CDC73: variants seen among roughly 807,000 people sequenced by gnomAD.
CDC73 encodes the protein parafibromin.
CDC73 carries 21 observed loss-of-function variants against 83.7 expected under a neutral mutation model. That is an observed-to-expected ratio of 0.25 (90% CI 0.18 to 0.36). The LOEUF is 0.36. Among genes scored for constraint, CDC73 ranks in the 10% least tolerant of loss-of-function variants. The probability of loss-of-function intolerance (pLI) is 1.00; values close to 1 mark genes in which losing one functional copy is unlikely to be tolerated. For missense variants in CDC73, 342 were observed against 653.3 expected (o/e 0.52, Z 5.19); for synonymous variants, 224 against 212.9 (o/e 1.05, Z -0.45).
At chr1:193,166,867 A>G (rs961381557) in intron 10 of CDC73, among the ~76,000 whole-genome samples, 4 of 152,094 alleles carry the variant, frequency 2.6e-5, no homozygotes, top group Non-Finnish European at 5.9e-5. Flanking sequence ...GCTGGTCACA[A>G]ATTTTTAATG....
chr1:193,127,479 G>C (rs1675599791), intron 2 of CDC73, among the ~76,000 whole-genome samples: 1 of 152,194 alleles, frequency 6.6e-6, no homozygotes, highest in East Asian at 1.9e-4. Flanking sequence ...AATAGCACCA[G>C]CTCCGTCTTT....
At chr1:193,166,972 G>C (rs1676445088) in intron 10 of CDC73, among the ~76,000 whole-genome samples, 2 of 152,128 alleles carry the variant, frequency 1.3e-5, no homozygotes. Flanking sequence ...TTGCTTAATT[G>C]AAGTTCCAAG....
rs190889891 is a variant in CDC73 at position 193,212,563 on chromosome 1, G to A, written c.1154+86G>A. On this transcript the variant is annotated intron_variant, in intron 13 of 16. Coordinates refer to ENST00000367435, the MANE Select transcript of CDC73 (RefSeq NM_024529.5). Reference sequence around the variant, plus strand: ...GTTACTGAATCAGTATTACTTATTTGGAAAAAACAAAATTTCGGTTTCTGT... The same window carrying A: ...GTTACTGAATCAGTATTACTTATTTAGAAAAAACAAAATTTCGGTTTCTGT... The A allele has an allele frequency of 2.1e-3, 1,918 of 903,460 alleles. 5 individuals carry two copies. Among genetic ancestry groups the A allele is most frequent in the Middle Eastern group, 0.012 (48 of 4,054 alleles). 56.0% of individuals were successfully genotyped at this position (903,460 alleles called of 1,614,324 possible).
At chr1:193,173,696 TC>T (rs1162300309) in intron 10 of CDC73, among the ~76,000 whole-genome samples, 1 of 152,182 alleles carries the variant, frequency 6.6e-6, no homozygotes, top group Admixed American at 6.5e-5. Flanking sequence ...AGACTGGAAA[TC>T]CTGTGAATCC....
intron 10 of CDC73, among the ~76,000 whole-genome samples, chr1:193,157,103 T>C (rs1558291098): frequency 6.6e-6 from 1 of 152,142 alleles, no homozygotes; most frequent in Non-Finnish European, 1.5e-5. Context: ...AGGATTTAAC[T>C]TGGTGATGAT....
chr1:193,238,039 T>A (rs1247267096), intron 15 of CDC73, among the ~76,000 whole-genome samples: 1 of 152,152 alleles, frequency 6.6e-6, no homozygotes, highest in African/African-American at 2.4e-5. Flanking sequence ...CAACAAAAAA[T>A]GATTAGGATG....
At chr1:193,186,883 G>A (rs1676819506) in intron 10 of CDC73, among the ~76,000 whole-genome samples, 1 of 151,954 alleles carries the variant, frequency 6.6e-6, no homozygotes, top group South Asian at 2.1e-4. Context: ...GGCTTTCTAA[G>A]TGTTTTCTGT....
Position 193,226,878 on chromosome 1 carries a change from G to A in CDC73, c.1155-6115G>A, listed in dbSNP as rs542860369. On this transcript the variant is annotated intron_variant, in intron 13 of 16. Transcript: ENST00000367435. ...CTCTTTCTCTATCTTGTGGAATAGC[G>A]TCAAAAGGATTGGTACCAATTCTTC... 6.3e-4 allele frequency among the ~76,000 whole-genome samples: 96 copies of A among 152,226 alleles called. 3 individuals carry two copies. The South Asian group carries it at 0.015, about 23-fold the overall frequency.
rs372909512 is a variant in CDC73 at position 193,233,169 on chromosome 1, A to C, written c.1316+15A>C. ...CCTCAAGACTGGTAAGATAGTCTCT[A>C]TATATATATCTTTTCACAGGTGTTG... is the stretch of plus-strand genomic sequence containing the variant. On this transcript the variant is annotated intron_variant, in intron 14 of 16. Transcript: ENST00000367435. 1.3e-4 allele frequency: 202 copies of C among 1,570,164 alleles called. No individual in the cohort carries two copies. The highest frequency in any genetic ancestry group is 6.1e-4 in the East Asian group (27 of 44,400).
chr1:193,226,147 A>T (rs543575781), intron 13 of CDC73, among the ~76,000 whole-genome samples: 19 of 152,110 alleles, frequency 1.2e-4, no homozygotes, highest in Non-Finnish European at 2.5e-4. Context: ...TGACTTGCCA[A>T]TTATCCCAGC....
chr1:193,219,148 C>G (rs1221166481), intron 13 of CDC73, among the ~76,000 whole-genome samples: 1 of 152,206 alleles, frequency 6.6e-6, no homozygotes. Context: ...TTTAACATCA[C>G]TAATCATTAG....
At chr1:193,136,651 A>G (rs1675807399) in intron 5 of CDC73, 2 of 181,192 alleles carry the variant, frequency 1.1e-5, no homozygotes, top group Non-Finnish European at 2.8e-5. Flanking sequence ...GTTTCTAGCC[A>G]TTCTGCTATA....
At chr1:193,135,868 C>CTTT (rs1038256301) in intron 5 of CDC73, among the ~76,000 whole-genome samples, 5 of 127,152 alleles carry the variant, frequency 3.9e-5, no homozygotes, top group East Asian at 2.2e-4. Context: ...CCTTTCTGTT[C>CTTT]TTTTTTTTTT....
chr1:193,247,452 A>G (rs187301987), intron 15 of CDC73, among the ~76,000 whole-genome samples: 111 of 152,060 alleles, frequency 7.3e-4, no homozygotes, highest in Non-Finnish European at 1.5e-4. Context: ...TAAGCCTATT[A>G]ATAACCCTAC....
At chr1:193,227,966 T>C (rs1294849850) in intron 13 of CDC73, among the ~76,000 whole-genome samples, 1 of 152,222 alleles carries the variant, frequency 6.6e-6, no homozygotes, top group Non-Finnish European at 1.5e-5. Context: ...TTGCTGCCAT[T>C]AGCTGATGCT....
At chr1:193,143,131 A>G (rs1675934867) in intron 7 of CDC73, among the ~76,000 whole-genome samples, 1 of 152,224 alleles carries the variant, frequency 6.6e-6, no homozygotes, top group Admixed American at 6.5e-5. Flanking sequence ...TGAAAAGAGT[A>G]TATGAAGAAA....
chr1:193,125,064 G>A, intron 1 of CDC73, 48 bp from the exon 2 acceptor site: 1 of 934,444 alleles, frequency 1.1e-6, no homozygotes, highest in East Asian at 2.4e-5. Flanking sequence ...AGCCTGAAGA[G>A]TTGAATTAGA....
At chr1:193,197,917 ACCATCTCAC>A in intron 10 of CDC73, among the ~76,000 whole-genome samples, 1 of 137,136 alleles carries the variant, frequency 7.3e-6, no homozygotes. Context: ...AAAGTGAGAT[ACCATCTCAC>A]CAAAAAAAAA....
chr1:193,229,581 A>G (rs1677622644), intron 13 of CDC73, among the ~76,000 whole-genome samples: 1 of 152,208 alleles, frequency 6.6e-6, no homozygotes, highest in Non-Finnish European at 1.5e-5. Flanking sequence ...AGCCTCCAGA[A>G]CAGTGATAAA....
Sources: gnomAD v4.1 joint callset for allele counts (sites outside exome capture counted in the v4.1 genomes callset) on GRCh38, gnomAD v4.1.1 for gene constraint, MANE v1.5 for transcripts, NCBI Gene and HGNC (gene_info 2026-07-23, HGNC 2026-07-21) for gene names.